AGBL1: variants seen among roughly 807,000 people sequenced by gnomAD.
The protein encoded by AGBL1 is cytosolic carboxypeptidase 4.
A neutral mutation model predicts 118.9 loss-of-function variants in AGBL1; 130 were observed. The ratio of observed to expected loss-of-function variants is 1.09; its 90% CI spans 0.95 to 1.26. The LOEUF (loss-of-function observed/expected upper bound fraction) is 1.26, where lower values mean the gene tolerates loss of function less well. AGBL1 is among the 50% of genes most tolerant of loss of function. The pLI is 0.00. For synonymous variants in AGBL1, 555 were observed against 478.9 expected (o/e 1.16, Z -2.08); for missense variants, 1,584 against 1,298.1 (o/e 1.22, Z -3.38).
chr15:86,678,838 T>C (rs948158126), intron 22 of AGBL1, among the ~76,000 whole-genome samples: 1 of 152,230 alleles, frequency 6.6e-6, no homozygotes, highest in South Asian at 2.1e-4. Flanking sequence ...AATCATTTTG[T>C]ATTTTTAAGT....
At chr15:86,334,925 G>C (rs948723086) in intron 17 of AGBL1, among the ~76,000 whole-genome samples, 1 of 151,982 alleles carries the variant, frequency 6.6e-6, no homozygotes, top group Non-Finnish European at 1.5e-5. Flanking sequence ...AAATCAACAG[G>C]CATATTTAAG....
chr15:86,396,094 C>T lies in AGBL1; in HGVS notation c.2375-1272C>T, dbSNP rs182722821. On this transcript the variant is annotated intron_variant, in intron 17 of 22. Transcript: ENST00000614907. ...CATTTTTTTATGGTTGAATAGTATTCTATTGTATCTATGTGTGTGTGTATA... is the reference window on the plus strand; with the variant it reads ...CATTTTTTTATGGTTGAATAGTATTTTATTGTATCTATGTGTGTGTGTATA... Among the ~76,000 whole-genome samples the T allele has an allele frequency of 6.0e-5, 9 of 148,836 alleles. No homozygotes were observed. In the East Asian group the frequency reaches 1.8e-3, roughly 29 times the overall value.
At chr15:86,523,019 A>G in intron 19 of AGBL1, 80 bp downstream of exon 19, 1 of 1,505,672 alleles carries the variant, frequency 6.6e-7, no homozygotes, top group Non-Finnish European at 9.2e-7. Flanking sequence ...CTGCCAAGGC[A>G]AGAATAGACA....
intron 1 of AGBL1, among the ~76,000 whole-genome samples, chr15:86,089,275 T>A (rs754718573): frequency 1.7e-4 from 26 of 152,220 alleles, no homozygotes; most frequent in Non-Finnish European, 2.9e-4. Context: ...GGATTTGAAG[T>A]TAGTTCTATG....
chr15:86,221,722 A>G (rs2078283411), intron 5 of AGBL1, among the ~76,000 whole-genome samples: 1 of 152,014 alleles, frequency 6.6e-6, no homozygotes, highest in Admixed American at 6.6e-5. Flanking sequence ...TCTTATGTGG[A>G]CACTACATCC....
rs1469922068 is a variant in AGBL1 at position 86,554,440 on chromosome 15, C to A, written c.2897C>A (p.Ala966Asp). 1 of 1,588,094 alleles carries A rather than the reference C, an allele frequency of 6.3e-7. No homozygotes were observed. Among genetic ancestry groups the A allele is most frequent in the Admixed American group, 1.8e-5 (1 of 55,808 alleles). ...AGCTTTCTCGTGGAGAAATCTCGAG[C>A]TTCCACGGCCCGGGTGGTGGTGTGG... ...SCSFLVEKSRASTARVVVWRE... is the reference protein window; with the variant it reads ...SCSFLVEKSRDSTARVVVWRE... The change falls in exon 21 of 23, where the codon GCT (alanine) becomes GAT (aspartate). Residue 966 changes from alanine (A) to aspartate (D), a missense_variant. By Grantham distance (126) the Ala-to-Asp change is moderately radical. Transcript: ENST00000614907.
intron 5 of AGBL1, among the ~76,000 whole-genome samples, chr15:86,218,009 G>A (rs2078218097): frequency 6.6e-6 from 1 of 152,158 alleles, no homozygotes; most frequent in Admixed American, 6.5e-5. Flanking sequence ...GTAGTTGGGT[G>A]AGAGATATTT....
rs925611544 is a variant in AGBL1, at chr15:86,295,262, T to C, written c.2228T>C (p.Leu743Pro). 12 of 1,613,540 alleles carry C rather than the reference T, an allele frequency of 7.4e-6. No individual in the cohort carries two copies. The African/African-American group carries it at 1.2e-4, about 16-fold the overall frequency. Residue 743 changes from leucine to proline, a missense_variant, in exon 17 of 23, where the codon CTT becomes CCT. Coordinates refer to ENST00000614907, the MANE Select transcript of AGBL1 (RefSeq NM_001386094.1). Reference protein sequence around the residue: ...PYTYTALMTHLDILEKSVNLK... With the variant: ...PYTYTALMTHPDILEKSVNLK... Reference sequence around the variant, plus strand: ...GCTTTATTTCTGCTCCAGACTCATCTTGACATCCTGGAAAAGAGTGTCAAC... The same window carrying C: ...GCTTTATTTCTGCTCCAGACTCATCCTGACATCCTGGAAAAGAGTGTCAAC...
At chr15:86,998,868 TA>T (rs1349584123) in intron 24 of AGBL1, among the ~76,000 whole-genome samples, 1 of 151,212 alleles carries the variant, frequency 6.6e-6, no homozygotes, top group Non-Finnish European at 1.5e-5. Context: ...TATATATATA[TA>T]TTTTTTATTA....
chr15:86,115,176 C>T (rs1220189095), intron 1 of AGBL1, among the ~76,000 whole-genome samples: 3 of 152,116 alleles, frequency 2.0e-5, no homozygotes, highest in African/African-American at 7.2e-5. Flanking sequence ...ATGTTTGAGC[C>T]ATCTAGGTAG....
intron 22 of AGBL1, among the ~76,000 whole-genome samples, chr15:86,735,211 A>C (rs568281141): frequency 1.3e-5 from 2 of 152,136 alleles, no homozygotes; most frequent in South Asian, 2.1e-4. Context: ...CTTCCCAAGC[A>C]TCTGGGATTA....
intron 18 of AGBL1, among the ~76,000 whole-genome samples, chr15:86,411,229 C>T (rs561036788): frequency 6.6e-6 from 1 of 151,994 alleles, no homozygotes; most frequent in East Asian, 2.0e-4. Flanking sequence ...TAATGAGCAG[C>T]ATCTGTGGTG....
chr15:86,566,684 G>C (rs576183532), intron 21 of AGBL1, among the ~76,000 whole-genome samples: 1 of 152,276 alleles, frequency 6.6e-6, no homozygotes, highest in East Asian at 1.9e-4. Flanking sequence ...AGTGTCCTGA[G>C]CTGCAGAATT....
intron 5 of AGBL1, among the ~76,000 whole-genome samples, chr15:86,192,072 C>T (rs2077731775): frequency 6.6e-6 from 1 of 151,672 alleles, no homozygotes; most frequent in South Asian, 2.1e-4. Context: ...GTACTCTGTC[C>T]TGGGTGGCAG....
intron 22 of AGBL1, among the ~76,000 whole-genome samples, chr15:86,826,130 G>A (rs887735203): frequency 6.6e-6 from 1 of 152,002 alleles, no homozygotes; most frequent in African/African-American, 2.4e-5. Context: ...ATTTGTGTGT[G>A]TATGTACGTA....
chr15:86,158,823 A>C (rs1208379928), intron 4 of AGBL1, 110 bp from the exon 5 acceptor site: 2 of 872,004 alleles, frequency 2.3e-6, no homozygotes, highest in Non-Finnish European at 3.7e-6. Context: ...AAAGGGAGCT[A>C]TCTTGTTTAT....
intron 1 of AGBL1, among the ~76,000 whole-genome samples, chr15:86,120,875 T>C (rs1359767929): frequency 6.6e-6 from 1 of 151,858 alleles, no homozygotes; most frequent in East Asian, 1.9e-4. Flanking sequence ...TCCTTTTCCC[T>C]TTAAGTTCTT....
At chr15:86,470,792 A>T (rs2082469719) in intron 18 of AGBL1, among the ~76,000 whole-genome samples, 2 of 152,226 alleles carry the variant, frequency 1.3e-5, no homozygotes, top group South Asian at 4.1e-4. Context: ...ATGCTATTGT[A>T]AATGGGATTG....
rs1043033038 is a variant in AGBL1, at chr15:86,988,316, T to A, written c.3323+228T>A. ...GAATACGATTACTGGTTGTTCTGTATGCATAGAACTCAGTACTTACTATCT... is the reference window on the plus strand; with the variant it reads ...GAATACGATTACTGGTTGTTCTGTAAGCATAGAACTCAGTACTTACTATCT... On this transcript the variant is annotated intron_variant, in intron 24 of 24. Transcript: ENST00000441037. The A allele has an allele frequency of 6.4e-5, 28 of 435,782 alleles. No homozygotes were observed. In the East Asian group the frequency reaches 1.2e-3, roughly 18 times the overall value. 27.0% of individuals were successfully genotyped at this position (435,782 alleles called of 1,614,324 possible).
Sources: gnomAD v4.1 joint callset for allele counts (sites outside exome capture counted in the v4.1 genomes callset) on GRCh38, gnomAD v4.1.1 for gene constraint, MANE v1.5 for transcripts, NCBI Gene and HGNC (gene_info 2026-07-23, HGNC 2026-07-21) for gene names.